DTNBP1: variants seen among roughly 807,000 people sequenced by gnomAD.
DTNBP1 encodes dysbindin.
Under a neutral mutation model 42.8 loss-of-function variants are expected in DTNBP1, and 35 were observed. The observed-to-expected ratio is 0.82, with a 90% CI of 0.63 to 1.09. The LOEUF is 1.09. Ranked by LOEUF, DTNBP1 falls within the 50% of genes least tolerant of loss-of-function variation. The probability of loss-of-function intolerance (pLI) is 0.00; values close to 1 mark genes in which losing one functional copy is unlikely to be tolerated. For missense variants in DTNBP1, 457 were observed against 424.2 expected, an observed-to-expected ratio of 1.08 and a Z score of -0.68; for synonymous variants, 171 against 162.2, an observed-to-expected ratio of 1.05 and a Z score of -0.41.
chr6:15,644,037 G>T (rs898896706), intron 3 of DTNBP1, among the ~76,000 whole-genome samples: 49 of 152,076 alleles, frequency 3.2e-4, no homozygotes, highest in Admixed American at 2.7e-3. Context: ...ACCTTCAAGA[G>T]ACCTATCTCA....
intron 1 of DTNBP1, among the ~76,000 whole-genome samples, chr6:15,655,418 T>C (rs1259703860): frequency 6.6e-6 from 1 of 152,110 alleles, no homozygotes; most frequent in African/African-American, 2.4e-5. Context: ...AACCACCATA[T>C]CCAGCCAAAA....
chr6:15,642,695 A>C (rs1466770212), intron 3 of DTNBP1, among the ~76,000 whole-genome samples: 1 of 152,190 alleles, frequency 6.6e-6, no homozygotes, highest in Non-Finnish European at 1.5e-5. Context: ...AAGTCACTAC[A>C]CAGAAGCTAT....
chr6:15,602,128 T>C (rs1382134194), intron 6 of DTNBP1, among the ~76,000 whole-genome samples: 1 of 152,126 alleles, frequency 6.6e-6, no homozygotes, highest in Non-Finnish European at 1.5e-5. Flanking sequence ...AGCAATTGTT[T>C]CAATTCCTTT....
chr6:15,614,951 G>A, intron 6 of DTNBP1: 1 of 426,954 alleles, frequency 2.3e-6, no homozygotes, highest in Non-Finnish European at 4.4e-6. Context: ...GAAAAGAAAA[G>A]AGCAACCCAG....
At chr6:15,572,010 CTTAAT>C (rs1257155287) in intron 7 of DTNBP1, among the ~76,000 whole-genome samples, 1 of 152,060 alleles carries the variant, frequency 6.6e-6, no homozygotes, top group African/African-American at 2.4e-5. Flanking sequence ...AATAAATTAT[CTTAAT>C]TTATTGTTTT....
intron 3 of DTNBP1, among the ~76,000 whole-genome samples, chr6:15,647,449 T>C (rs1760754601): frequency 1.3e-5 from 2 of 151,366 alleles, no homozygotes; most frequent in African/African-American, 2.4e-5. Context: ...ATAACTGAAA[T>C]GAATAATTCA....
chr6:15,567,765 C>T (rs377640701), intron 7 of DTNBP1, among the ~76,000 whole-genome samples: 44 of 152,240 alleles, frequency 2.9e-4, no homozygotes, highest in East Asian at 2.3e-3. Flanking sequence ...TTTCAGGCCA[C>T]GGTCACTCAT....
chr6:15,585,310 G>A (rs999190867), intron 7 of DTNBP1, among the ~76,000 whole-genome samples: 1 of 151,150 alleles, frequency 6.6e-6, no homozygotes, highest in African/African-American at 2.4e-5. Context: ...GTTTTATGGA[G>A]CTGTACCAGC....
At chr6:15,662,740 G>A in intron 1 of DTNBP1, 74 bp downstream of exon 1, 1 of 1,592,168 alleles carries the variant, frequency 6.3e-7, no homozygotes, top group South Asian at 1.1e-5. Flanking sequence ...CGCGGGGAAG[G>A]GAGCGAGGCA....
chr6:15,657,341 C>T (rs1450452790), intron 1 of DTNBP1, among the ~76,000 whole-genome samples: 1 of 152,206 alleles, frequency 6.6e-6, no homozygotes, highest in East Asian at 1.9e-4. Context: ...GTATATGACA[C>T]CATTTATCTA....
chr6:15,562,161 T>C (rs1272568900), intron 7 of DTNBP1, among the ~76,000 whole-genome samples: 1 of 152,204 alleles, frequency 6.6e-6, no homozygotes, highest in African/African-American at 2.4e-5. Context: ...GGTGTAGCCA[T>C]TCTTTGTTTA....
At chr6:15,614,436 T>G (rs1169714097) in intron 6 of DTNBP1, among the ~76,000 whole-genome samples, 1 of 152,104 alleles carries the variant, frequency 6.6e-6, no homozygotes, top group African/African-American at 2.4e-5. Context: ...ATCCCATGAC[T>G]TCCGCTTCCT....
chr6:15,545,286 G>C (rs1561949298), intron 7 of DTNBP1, among the ~76,000 whole-genome samples: 1 of 152,084 alleles, frequency 6.6e-6, no homozygotes, highest in East Asian at 1.9e-4. Context: ...TTTATATCCA[G>C]CCTTCATCAA....
chr6:15,627,590 T>G (rs1581410114), intron 4 of DTNBP1, 115 bp from the exon 5 acceptor site: 1 of 1,394,002 alleles, frequency 7.2e-7, no homozygotes, highest in East Asian at 2.4e-5. Flanking sequence ...CAGTAGAGAT[T>G]ACGGTACATT....
At chr6:15,549,995 C>T (rs1774120645) in intron 7 of DTNBP1, among the ~76,000 whole-genome samples, 1 of 152,226 alleles carries the variant, frequency 6.6e-6, no homozygotes, top group African/African-American at 2.4e-5. Flanking sequence ...TCCCACCTCA[C>T]TTCAAGAACT....
In DTNBP1 at chr6:15,644,711, T is replaced by TA. The variant is rs561460289; in HGVS notation, c.161+6601dup. The stretch of plus-strand genomic sequence containing the variant: ...GTAAACAATGAAATTAAGGCAGAGA[T>TA]AAAAAAAAATTAATTGAATCAAATG... On this transcript the variant is annotated intron_variant, in intron 3 of 9. Coordinates refer to ENST00000344537, the MANE Select transcript of DTNBP1 (RefSeq NM_032122.5). Among the ~76,000 whole-genome samples, 709 of 151,182 alleles carry TA rather than the reference T, an allele frequency of 4.7e-3. 3 individuals carry two copies. Among genetic ancestry groups the TA allele is most frequent in the Non-Finnish European group, 3.3e-3 (222 of 67,702 alleles).
At chr6:15,586,962 T>C (rs1776104717) in intron 7 of DTNBP1, among the ~76,000 whole-genome samples, 1 of 152,188 alleles carries the variant, frequency 6.6e-6, no homozygotes, top group East Asian at 1.9e-4. Flanking sequence ...GCTTCCTAGA[T>C]TTCTATGCAT....
At chr6:15,549,634 G>A (rs148106529) in intron 7 of DTNBP1, among the ~76,000 whole-genome samples, 3,113 of 151,190 alleles carry the variant, frequency 0.021, 39 homozygotes, top group Middle Eastern at 0.083. Context: ...TGGCACCCCC[G>A]CAGCAACTCT....
Position 15,578,240 on chromosome 6 carries a change from C to G in DTNBP1, c.511+14819G>C, listed in dbSNP as rs116048946. On this transcript the variant is annotated intron_variant, in intron 7 of 9. Transcript: ENST00000344537. ...GGGTGTTAGTGCAGGGAGCACAGAG[C>G]CCTTCTCTTCTGACTGCTTCCAGTT... Among the ~76,000 whole-genome samples, 553 of 152,312 alleles carry G rather than the reference C, an allele frequency of 3.6e-3. 15 individuals are homozygous for G. The highest frequency in any genetic ancestry group is 0.028 in the Admixed American group (423 of 15,294).
Sources: gnomAD v4.1 joint callset for allele counts (sites outside exome capture counted in the v4.1 genomes callset) on GRCh38, gnomAD v4.1.1 for gene constraint, MANE v1.5 for transcripts, NCBI Gene and HGNC (gene_info 2026-07-23, HGNC 2026-07-21) for gene names.